NRG1: variants seen among roughly 807,000 people sequenced by gnomAD.
NRG1 encodes pro-neuregulin-1, membrane-bound isoform.
NRG1 carries 18 observed loss-of-function variants against 63.8 expected under a neutral mutation model. That is an observed-to-expected ratio of 0.28 (90% CI 0.19 to 0.42). The LOEUF (loss-of-function observed/expected upper bound fraction) is 0.42, where lower values mean the gene tolerates loss of function less well. Ranked by LOEUF, NRG1 falls within the 10% of genes least tolerant of loss-of-function variation. The pLI is 1.00. For synonymous variants in NRG1, 302 were observed against 301.3 expected, an observed-to-expected ratio of 1.00 and a Z score of -0.02; for missense variants, 762 against 814.7, an observed-to-expected ratio of 0.94 and a Z score of 0.79.
At chr8:32,269,532 TG>T (rs909037681) in intron 1 of NRG1, among the ~76,000 whole-genome samples, 7 of 152,090 alleles carry the variant, frequency 4.6e-5, no homozygotes, top group African/African-American at 1.7e-4. Flanking sequence ...TCCAGGTCCA[TG>T]GGGAACAAGG....
intron 1 of NRG1, among the ~76,000 whole-genome samples, chr8:32,109,037 T>G (rs1459293890): frequency 1.3e-5 from 2 of 152,198 alleles, no homozygotes; most frequent in Non-Finnish European, 2.9e-5. Context: ...AGCAACTTAT[T>G]AAATACAGCT....
At chr8:32,189,538 T>A (rs942552534) in intron 1 of NRG1, among the ~76,000 whole-genome samples, 4 of 152,194 alleles carry the variant, frequency 2.6e-5, no homozygotes, top group Non-Finnish European at 5.9e-5. Flanking sequence ...ATTATCCTTA[T>A]CTGTAGAATG....
In NRG1 at chr8:32,698,173, TC is replaced by T. The variant is rs1813850799; in HGVS notation, c.503-29774del. Among the ~76,000 whole-genome samples, 3 of 149,902 alleles carry T rather than the reference TC, an allele frequency of 2.0e-5. No homozygotes were observed. The South Asian group carries it at 6.3e-4, about 32-fold the overall frequency. ...GTGAGCCGAGATTGCACCAATGCCCTCCAGCCTGATGACAGCGAGACTCCAT... is the reference window on the plus strand; with the variant it reads ...GTGAGCCGAGATTGCACCAATGCCCTCAGCCTGATGACAGCGAGACTCCAT... On this transcript the variant is annotated intron_variant, in intron 5 of 11. Transcript: ENST00000356819.
intron 1 of NRG1, among the ~76,000 whole-genome samples, chr8:32,441,913 C>T (rs1000142961): frequency 2.6e-5 from 4 of 152,010 alleles, no homozygotes; most frequent in Admixed American, 6.6e-5. Context: ...ATATCTTAAC[C>T]GTATCACAGA....
chr8:32,369,561 G>A (rs1190746499), intron 1 of NRG1, among the ~76,000 whole-genome samples: 1 of 152,162 alleles, frequency 6.6e-6, no homozygotes. Context: ...GTATGCTAAG[G>A]GCCCCCAACC....
intron 1 of NRG1, among the ~76,000 whole-genome samples, chr8:31,653,047 C>T (rs1375462875): frequency 7.6e-6 from 1 of 130,798 alleles, no homozygotes; most frequent in Non-Finnish European, 1.6e-5. Flanking sequence ...CCCCTCCTCT[C>T]CTCTCCTCTT....
At chr8:32,117,886 T>C (rs1832943324) in intron 1 of NRG1, among the ~76,000 whole-genome samples, 2 of 152,160 alleles carry the variant, frequency 1.3e-5, no homozygotes, top group East Asian at 3.9e-4. Context: ...CTAATAAGTT[T>C]AGGAAACCTT....
intron 1 of NRG1, among the ~76,000 whole-genome samples, chr8:32,241,395 T>C (rs1848084178): frequency 6.6e-6 from 1 of 152,204 alleles, no homozygotes; most frequent in African/African-American, 2.4e-5. Context: ...CTGGTAAGAA[T>C]GTTCTTTTTG....
At chr8:32,460,492 A>T (rs1461040074) in intron 1 of NRG1, among the ~76,000 whole-genome samples, 1 of 152,204 alleles carries the variant, frequency 6.6e-6, no homozygotes, top group African/African-American at 2.4e-5. Context: ...ACGCCTTTCA[A>T]CTTTGAACAT....
At chr8:32,346,255 A>G (rs939270262) in intron 1 of NRG1, among the ~76,000 whole-genome samples, 1 of 148,524 alleles carries the variant, frequency 6.7e-6, no homozygotes, top group Admixed American at 6.8e-5. Context: ...ATATATTCAC[A>G]TGTTATATGA....
rs148938324 is a variant in NRG1 at position 31,707,658 on chromosome 8, G to T, written c.37+68227G>T. Among the ~76,000 whole-genome samples the T allele has an allele frequency of 9.9e-3, 1,511 of 151,890 alleles. 9 individuals are homozygous for T. The highest frequency in any genetic ancestry group is 0.014 in the Non-Finnish European group (949 of 67,904). On this transcript the variant is annotated intron_variant, in intron 1 of 10. Coordinates refer to the NRG1 transcript ENST00000519301. ...TGTAATTCCCTTTGTTTCCTCTAAT[G>T]GTGCTTTAAATCATCATATAAATCT...
intron 1 of NRG1, among the ~76,000 whole-genome samples, chr8:32,093,261 G>A (rs997784744): frequency 6.6e-6 from 1 of 152,146 alleles, no homozygotes; most frequent in South Asian, 2.1e-4. Context: ...TGCATAGCCC[G>A]AGAAACACCC....
rs1425017501 is a variant in NRG1 at position 32,239,777 on chromosome 8, A to T, written c.38-356051A>T. Among the ~76,000 whole-genome samples the T allele has an allele frequency of 2.6e-5, 4 of 152,204 alleles. No homozygotes were observed. The East Asian group carries it at 7.7e-4, about 29-fold the overall frequency. On this transcript the variant is annotated intron_variant, in intron 1 of 10. Coordinates refer to the NRG1 transcript ENST00000519301. Reference sequence around the variant, plus strand: ...ATAAACAGAAATTTTACCAAAGATGATATACAGATGGAAAATAAGCACATG... The same window carrying T: ...ATAAACAGAAATTTTACCAAAGATGTTATACAGATGGAAAATAAGCACATG...
intron 1 of NRG1, among the ~76,000 whole-genome samples, chr8:31,907,495 C>T (rs1159704847): frequency 2.6e-5 from 4 of 151,988 alleles, no homozygotes; most frequent in Admixed American, 6.6e-5. Context: ...CTCTGATACC[C>T]CTCCCTGTGA....
chr8:32,248,382 C>T (rs954742979), intron 1 of NRG1, among the ~76,000 whole-genome samples: 5 of 151,912 alleles, frequency 3.3e-5, no homozygotes, highest in South Asian at 2.1e-4. Context: ...ATTTACAGCA[C>T]GACTTATGCA....
At chr8:31,820,805 C>T (rs1157413538) in intron 1 of NRG1, among the ~76,000 whole-genome samples, 1 of 152,138 alleles carries the variant, frequency 6.6e-6, no homozygotes, top group East Asian at 1.9e-4. Flanking sequence ...TATACTTTAT[C>T]TTACAAAATA....
At chr8:32,765,893 A>G (rs1202644953) in exon 12 of NRG1, 1 of 152,178 alleles carries the variant, frequency 6.6e-6, no homozygotes, top group Non-Finnish European at 1.5e-5. Flanking sequence ...ATAAGTATTA[A>G]CATTTGAAAT....
At chr8:32,734,139 CA>C (rs1478339728) in intron 6 of NRG1, among the ~76,000 whole-genome samples, 1 of 152,150 alleles carries the variant, frequency 6.6e-6, no homozygotes, top group Non-Finnish European at 1.5e-5. Flanking sequence ...GTCTTCCTTA[CA>C]GGCTAGAAGA....
chr8:31,792,400 A>G (rs1385045529), intron 1 of NRG1, among the ~76,000 whole-genome samples: 1 of 152,236 alleles, frequency 6.6e-6, no homozygotes, highest in East Asian at 1.9e-4. Flanking sequence ...GACTTGTTTA[A>G]TGGCACATGG....
Sources: gnomAD v4.1 joint callset for allele counts (sites outside exome capture counted in the v4.1 genomes callset) on GRCh38, gnomAD v4.1.1 for gene constraint, MANE v1.5 for transcripts, NCBI Gene and HGNC (gene_info 2026-07-23, HGNC 2026-07-21) for gene names.